Variants in UPF2 observed in about 807,000 individuals in gnomAD.
UPF2 encodes regulator of nonsense transcripts 2.
A neutral mutation model predicts 141.4 loss-of-function variants in UPF2; 17 were observed. That is an observed-to-expected ratio of 0.12 (90% CI 0.08 to 0.18). The LOEUF (loss-of-function observed/expected upper bound fraction) is 0.18, where lower values mean the gene tolerates loss of function less well. Ranked by LOEUF, UPF2 falls within the 10% of genes least tolerant of loss-of-function variation. The probability of loss-of-function intolerance (pLI) is 1.00; values close to 1 mark genes in which losing one functional copy is unlikely to be tolerated. For missense variants in UPF2, 1,152 were observed against 1,515.9 expected (o/e 0.76, Z 3.99); for synonymous variants, 540 against 498.0 (o/e 1.08, Z -1.12).
At position 11,961,439 on chromosome 10, in the gene UPF2, CAGAA is replaced by C. The variant is rs1343617875; in HGVS notation, c.2185-2087_2185-2084del. Among the ~76,000 whole-genome samples the C allele has an allele frequency of 2.6e-5, 4 of 151,416 alleles. No homozygotes were observed. In the South Asian group the frequency reaches 6.3e-4, roughly 24 times the overall value. On this transcript the variant is annotated intron_variant, in intron 11 of 21. Transcript: ENST00000357604. Reference sequence around the variant, plus strand: ...AAGAGCACGCATGCAGAGGCCCAAGCAGAAAGAAAGGCATATGTGGCACGAACAG... The same window carrying C: ...AAGAGCACGCATGCAGAGGCCCAAGCAGAAAGGCATATGTGGCACGAACAG...
rs974677906 is a variant in UPF2, at chr10:12,042,797, A to C, written c.-61T>G. On this transcript the variant is annotated 5_prime_UTR_variant, in exon 1 of 22. Coordinates refer to ENST00000357604, the MANE Select transcript of UPF2 (RefSeq NM_015542.4). This position sits in a 1 kb window ranked among gnomAD's most constrained non-coding sequence, Gnocchi z 5.5. ...CATTAGCCCCGGGTTTCCCAGCACC[A>C]ACTCCAGCGCTCGGGCTCTCCCCTC... The C allele has an allele frequency of 1.2e-4, 18 of 151,518 alleles. No individual in the cohort carries two copies. The highest frequency in any genetic ancestry group is 4.4e-4 in the African/African-American group (18 of 41,140). 9.4% of individuals were successfully genotyped at this position (151,518 alleles called of 1,614,324 possible). A position where few individuals can be genotyped will look rare whatever the true frequency, so the allele number is the denominator to read the frequency against.
intron 14 of UPF2, among the ~76,000 whole-genome samples, chr10:11,954,678 T>C (rs1833121789): frequency 6.8e-6 from 1 of 147,936 alleles, no homozygotes; most frequent in Non-Finnish European, 1.5e-5. Context: ...ATATATCTTT[T>C]AGAAACAAGA....
chr10:11,928,523 C>T (rs894602884), intron 21 of UPF2, among the ~76,000 whole-genome samples: 3 of 151,386 alleles, frequency 2.0e-5, no homozygotes, highest in Non-Finnish European at 4.4e-5. Context: ...TCCTGGCTAA[C>T]ACGGTGAAAC....
chr10:12,029,830 C>T (rs1293428434), intron 2 of UPF2, among the ~76,000 whole-genome samples: 7 of 151,874 alleles, frequency 4.6e-5, no homozygotes, highest in Admixed American at 4.6e-4. Flanking sequence ...GGCGTGATGG[C>T]GCTCACCTGT....
intron 16 of UPF2, among the ~76,000 whole-genome samples, chr10:11,944,223 G>A (rs1384142449): frequency 6.6e-6 from 1 of 152,154 alleles, no homozygotes; most frequent in Admixed American, 6.6e-5. Flanking sequence ...AATGGTCGGC[G>A]CCATGGCTCA....
At chr10:11,985,811 T>C (rs1266967600) in intron 8 of UPF2, among the ~76,000 whole-genome samples, 2 of 150,618 alleles carry the variant, frequency 1.3e-5, no homozygotes, top group Non-Finnish European at 2.9e-5. Context: ...AAATTTGTGC[T>C]AAAATTTAAG....
At chr10:12,004,229 A>T (rs1833998232) in intron 5 of UPF2, among the ~76,000 whole-genome samples, 1 of 152,218 alleles carries the variant, frequency 6.6e-6, no homozygotes, top group Non-Finnish European at 1.5e-5. Flanking sequence ...TAACAATCTG[A>T]TACCTGGGGG....
At chr10:11,997,518 T>C (rs910708938) in intron 8 of UPF2, among the ~76,000 whole-genome samples, 154 bp downstream of exon 8, 1 of 152,134 alleles carries the variant, frequency 6.6e-6, no homozygotes, top group Non-Finnish European at 1.5e-5. Flanking sequence ...CAAAAATTAA[T>C]GGGAAACAAG....
chr10:11,944,146 C>A (rs1020904412), intron 16 of UPF2, among the ~76,000 whole-genome samples: 6 of 152,038 alleles, frequency 3.9e-5, no homozygotes, highest in African/African-American at 1.4e-4. Flanking sequence ...ATTCCAAAAC[C>A]CCAACAGTGT....
rs1242813876 is a variant in UPF2 at position 11,940,041 on chromosome 10, G to A, written c.3378+2624C>T. On this transcript the variant is annotated intron_variant, in intron 18 of 21. Coordinates refer to ENST00000357604, the MANE Select transcript of UPF2 (RefSeq NM_015542.4). The surrounding 1 kb of genome is among the most constrained non-coding windows in gnomAD (Gnocchi z 4.2). ...GATTTATGGAAAAATAATATCTCTA[G>A]GATACTGCATCCTCCTATGACATTC... Among the ~76,000 whole-genome samples, 1 of 152,020 alleles carries A rather than the reference G, an allele frequency of 6.6e-6. No individual in the cohort carries two copies. The highest frequency in any genetic ancestry group is 1.5e-5 in the Non-Finnish European group (1 of 68,014).
rs867708708 is a variant in UPF2 at position 11,928,133 on chromosome 10, C to T, written c.3809+1732G>A. On this transcript the variant is annotated intron_variant, in intron 21 of 21. Coordinates refer to ENST00000357604, the MANE Select transcript of UPF2 (RefSeq NM_015542.4). ...GGTGGACCACCTGAGGTTAGGAGTT[C>T]GAGACCAGCCTGGCCAACATGGTGA... 2.8e-4 allele frequency among the ~76,000 whole-genome samples: 42 copies of T among 152,252 alleles called. 1 individual carries two copies. Among genetic ancestry groups the T allele is most frequent in the Admixed American group, 2.0e-3 (30 of 15,278 alleles).
chr10:12,023,508 A>C (rs1834353056), intron 3 of UPF2, among the ~76,000 whole-genome samples: 1 of 146,468 alleles, frequency 6.8e-6, no homozygotes, highest in South Asian at 2.2e-4. Flanking sequence ...CCCTGTCTCT[A>C]CTAAAAAAAA....
chr10:12,012,439 C>G (rs1354550195), intron 4 of UPF2, among the ~76,000 whole-genome samples: 1 of 152,096 alleles, frequency 6.6e-6, no homozygotes, highest in Admixed American at 6.6e-5. Flanking sequence ...AGAAACAAGC[C>G]AGGGTCAACC....
In UPF2 at chr10:11,959,913, A is replaced by G. The variant is rs531857574; in HGVS notation, c.2185-557T>C. 6.6e-6 allele frequency among the ~76,000 whole-genome samples: 1 copy of G among 152,356 alleles called. No individual in the cohort carries two copies. The highest frequency in any genetic ancestry group is 6.5e-5 in the Admixed American group (1 of 15,300). On this transcript the variant is annotated intron_variant, in intron 11 of 21. Coordinates refer to ENST00000357604, the MANE Select transcript of UPF2 (RefSeq NM_015542.4). The surrounding 1 kb of genome is among the most constrained non-coding windows in gnomAD (Gnocchi z 5.9). ...GCCTACTTAGCCTTACGTTTCATCCAATAAAATACTAGAGAACTTTACTAC... is the reference window on the plus strand; with the variant it reads ...GCCTACTTAGCCTTACGTTTCATCCGATAAAATACTAGAGAACTTTACTAC...
intron 2 of UPF2, among the ~76,000 whole-genome samples, chr10:12,033,650 T>C (rs1242385591): frequency 1.3e-5 from 2 of 152,204 alleles, no homozygotes; most frequent in Non-Finnish European, 2.9e-5. Context: ...AAAGGGTAAG[T>C]TGCCCTCTTA....
intron 1 of UPF2, among the ~76,000 whole-genome samples, chr10:12,040,201 A>T (rs953905104): frequency 1.3e-5 from 2 of 152,180 alleles, no homozygotes; most frequent in Non-Finnish European, 2.9e-5. Flanking sequence ...CAGGTAGATC[A>T]CGAGGTCAAG....
chr10:12,017,884 C>T (rs757226010), intron 3 of UPF2, among the ~76,000 whole-genome samples: 1 of 152,014 alleles, frequency 6.6e-6, no homozygotes, highest in Non-Finnish European at 1.5e-5. Flanking sequence ...TAATGTTATC[C>T]CTCCCCTGGC....
intron 4 of UPF2, among the ~76,000 whole-genome samples, chr10:12,008,426 T>C (rs1368715483): frequency 6.6e-6 from 1 of 151,684 alleles, no homozygotes; most frequent in South Asian, 2.1e-4. Flanking sequence ...GTCAGGAGAT[T>C]GAGACCATCC....
At chr10:11,954,633 C>CAAA (rs199644138) in intron 14 of UPF2, among the ~76,000 whole-genome samples, 178 of 128,012 alleles carry the variant, frequency 1.4e-3, no homozygotes, top group African/African-American at 4.8e-3. Context: ...GACTTACTCT[C>CAAA]AAAAAAAAAA....
Sources: gnomAD v4.1 joint callset for allele counts (sites outside exome capture counted in the v4.1 genomes callset) on GRCh38, gnomAD v4.1.1 for gene constraint, Gnocchi (gnomAD v3.1) non-coding constraint, MANE v1.5 for transcripts, NCBI Gene and HGNC (gene_info 2026-07-23, HGNC 2026-07-21) for gene names.